The following LRP1B variants were observed in gnomAD, a reference collection of about 807,000 sequenced individuals.
LRP1B encodes LDL receptor related protein 1B.
In LRP1B, 217 loss-of-function variants were observed where a neutral mutation model predicts 556.6. The observed-to-expected ratio is 0.39, with a 90% CI of 0.35 to 0.44. The LOEUF is 0.44. LRP1B is among the 20% of genes least tolerant of loss of function. The pLI, the probability that LRP1B is intolerant of heterozygous loss-of-function variation, is 1.00. For missense variants in LRP1B, 5,053 were observed against 5,620.8 expected, an observed-to-expected ratio of 0.90 and a Z score of 3.23; for synonymous variants, 2,047 against 1,865.8, an observed-to-expected ratio of 1.10 and a Z score of -2.50.
At chr2:141,284,120 A>G (rs1685615350) in intron 3 of LRP1B, among the ~76,000 whole-genome samples, 1 of 152,156 alleles carries the variant, frequency 6.6e-6, no homozygotes, top group African/African-American at 2.4e-5. Context: ...ATAAAAATGC[A>G]CAGTGGTCTC....
intron 2 of LRP1B, among the ~76,000 whole-genome samples, chr2:141,537,683 T>A (rs2105203340): frequency 6.6e-6 from 1 of 152,276 alleles, no homozygotes; most frequent in Admixed American, 6.5e-5. Context: ...GATTGTATAG[T>A]CACAAGTATT....
chr2:140,882,017 T>C (rs1693490411), intron 25 of LRP1B, among the ~76,000 whole-genome samples: 1 of 152,174 alleles, frequency 6.6e-6, no homozygotes, highest in African/African-American at 2.4e-5. Context: ...ATTTTTAAAC[T>C]TTCATACACC....
intron 7 of LRP1B, among the ~76,000 whole-genome samples, chr2:141,165,456 A>G (rs1001019806): frequency 3.9e-5 from 6 of 152,066 alleles, no homozygotes; most frequent in Non-Finnish European, 8.8e-5. Flanking sequence ...TCCCCATGGC[A>G]TATCAGGATT....
intron 18 of LRP1B, among the ~76,000 whole-genome samples, chr2:140,952,354 A>G (rs1695742098): frequency 6.6e-6 from 1 of 152,190 alleles, no homozygotes; most frequent in Non-Finnish European, 1.5e-5. Flanking sequence ...ACAGAGAGCC[A>G]AAGATGAAAA....
At chr2:141,905,309 G>A (rs1414275189) in intron 1 of LRP1B, among the ~76,000 whole-genome samples, 2 of 151,780 alleles carry the variant, frequency 1.3e-5, no homozygotes, top group African/African-American at 4.8e-5. Context: ...TGGAGATAAC[G>A]AAGTAAGCTA....
At chr2:142,026,118 A>C (rs1175534628) in intron 1 of LRP1B, among the ~76,000 whole-genome samples, 2 of 152,052 alleles carry the variant, frequency 1.3e-5, no homozygotes. Flanking sequence ...TCTAAAAAAA[A>C]CCCCATACTT....
At chr2:141,166,448 G>A (rs1036385522) in intron 7 of LRP1B, among the ~76,000 whole-genome samples, 1 of 141,014 alleles carries the variant, frequency 7.1e-6, no homozygotes, top group Non-Finnish European at 1.5e-5. Context: ...GAGATATTTT[G>A]ATATAGGCAT....
chr2:141,366,512 G>A (rs1431599941), intron 3 of LRP1B, among the ~76,000 whole-genome samples: 1 of 152,110 alleles, frequency 6.6e-6, no homozygotes. Context: ...ACCTAATTGG[G>A]AACTAGCCAT....
chr2:142,093,749 GAA>G (rs1408443801), intron 1 of LRP1B, among the ~76,000 whole-genome samples: 2 of 151,750 alleles, frequency 1.3e-5, no homozygotes, highest in African/African-American at 4.8e-5. Flanking sequence ...TTTAGCAAAA[GAA>G]AAAAAGATAA....
At chr2:141,542,828 T>C (rs1685314644) in intron 2 of LRP1B, among the ~76,000 whole-genome samples, 1 of 152,168 alleles carries the variant, frequency 6.6e-6, no homozygotes, top group Non-Finnish European at 1.5e-5. Flanking sequence ...TTAAACTAGC[T>C]TTAATTTCTT....
intron 27 of LRP1B, among the ~76,000 whole-genome samples, chr2:140,856,123 C>T (rs1692610458): frequency 1.3e-5 from 2 of 152,300 alleles, no homozygotes. Context: ...TTCCAAGCCT[C>T]ATCTACCACT....
chr2:140,243,053 G>A (rs1681018053), intron 87 of LRP1B, among the ~76,000 whole-genome samples: 1 of 150,878 alleles, frequency 6.6e-6, no homozygotes, highest in South Asian at 2.1e-4. Flanking sequence ...CATATGGATG[G>A]ACAGAAAGGC....
At chr2:141,283,435 G>C (rs1272020180) in intron 3 of LRP1B, among the ~76,000 whole-genome samples, 1 of 151,952 alleles carries the variant, frequency 6.6e-6, no homozygotes, top group Non-Finnish European at 1.5e-5. Flanking sequence ...GGGGAGGTGG[G>C]GAGGTGGTGA....
chr2:141,077,870 A>C (rs1232497654), intron 7 of LRP1B, among the ~76,000 whole-genome samples: 1 of 152,072 alleles, frequency 6.6e-6, no homozygotes, highest in Non-Finnish European at 1.5e-5. Context: ...AGTATCCAAA[A>C]TTCTTTTGGA....
At chr2:140,747,240 A>G (rs1462138281) in intron 35 of LRP1B, among the ~76,000 whole-genome samples, 2 of 152,182 alleles carry the variant, frequency 1.3e-5, no homozygotes, top group Non-Finnish European at 1.5e-5. Context: ...GATGGAAAGA[A>G]TGCTGGGAAA....
intron 3 of LRP1B, among the ~76,000 whole-genome samples, chr2:141,356,725 TTA>T (rs1168006669): frequency 4.6e-5 from 7 of 152,164 alleles, no homozygotes; most frequent in Non-Finnish European, 1.5e-5. Flanking sequence ...CAAATATGTT[TTA>T]TATAACTGTG....
chr2:142,088,355 T>C (rs533861399), intron 1 of LRP1B, among the ~76,000 whole-genome samples: 2 of 152,276 alleles, frequency 1.3e-5, no homozygotes, highest in East Asian at 3.9e-4. Context: ...TATTAGTTGG[T>C]TTTAGTATAT....
At position 141,614,080 on chromosome 2, in the gene LRP1B, C is replaced by CAGAAAAAAAA. The variant is rs1553543025; in HGVS notation, c.206-133548_206-133547insTTTTTTTTCT. Among the ~76,000 whole-genome samples the CAGAAAAAAAA allele has an allele frequency of 8.0e-4, 38 of 47,354 alleles. 1 individual carries two copies. The highest frequency in any genetic ancestry group is 3.5e-3 in the South Asian group (3 of 866). 31.1% of individuals were successfully genotyped at this position (47,354 alleles called of 152,430 possible). A position where few individuals can be genotyped will look rare whatever the true frequency, so the allele number is the denominator to read the frequency against. On this transcript the variant is annotated intron_variant, in intron 2 of 90. Transcript: ENST00000389484. ...GGGCGATAAGAGCAAAACTCAGCCT[C>CAGAAAAAAAA]AAAAAAAAAAAAAAAAAAAAAGAAA...
chr2:140,720,286 C>G (rs1687354855), intron 35 of LRP1B, among the ~76,000 whole-genome samples: 2 of 151,832 alleles, frequency 1.3e-5, no homozygotes, highest in Admixed American at 1.3e-4. Context: ...TATCTTAAGA[C>G]ATATGGTAAT....
Sources: gnomAD v4.1 joint callset for allele counts (sites outside exome capture counted in the v4.1 genomes callset) on GRCh38, gnomAD v4.1.1 for gene constraint, MANE v1.5 for transcripts, NCBI Gene and HGNC (gene_info 2026-07-23, HGNC 2026-07-21) for gene names.